The following BMPR1B variants were observed in gnomAD, a reference collection of about 807,000 sequenced individuals.
The protein encoded by BMPR1B is bone morphogenetic protein receptor type-1B.
A neutral mutation model predicts 59.1 loss-of-function variants in BMPR1B; 12 were observed. That is an observed-to-expected ratio of 0.20 (90% confidence interval 0.13 to 0.33). The LOEUF (loss-of-function observed/expected upper bound fraction) is 0.33. Among genes scored for constraint, BMPR1B ranks in the 10% least tolerant of loss-of-function variants. The pLI, the probability that BMPR1B is intolerant of heterozygous loss-of-function variation, is 1.00. For missense variants in BMPR1B, 550 were observed against 610.9 expected, an observed-to-expected ratio of 0.90 and a Z score of 1.05; for synonymous variants, 237 against 207.3, an observed-to-expected ratio of 1.14 and a Z score of -1.23.
In BMPR1B at chr4:95,117,076, C is replaced by A. The variant is rs1320904184; in HGVS notation, c.349+1289C>A. ...ATAATAGAGTGAGTGGCTGGCTCTACCTGGGGGAGGAGGTTGTCAGAATAG... is the reference window on the plus strand; with the variant it reads ...ATAATAGAGTGAGTGGCTGGCTCTAACTGGGGGAGGAGGTTGTCAGAATAG... On this transcript the variant is annotated intron_variant, in intron 6 of 12. Coordinates refer to ENST00000515059, the MANE Select transcript of BMPR1B (RefSeq NM_001203.3). Among the ~76,000 whole-genome samples, 4 of 151,960 alleles carry A rather than the reference C, an allele frequency of 2.6e-5. No homozygotes were observed. In the East Asian group the frequency reaches 7.7e-4, roughly 29 times the overall value.
intron 11 of BMPR1B, among the ~76,000 whole-genome samples, chr4:95,150,469 A>G (rs1734961529): frequency 7.0e-6 from 1 of 143,042 alleles, no homozygotes; most frequent in East Asian, 2.0e-4. Flanking sequence ...AAAAAAAAAA[A>G]ACAAGTAGAC....
At chr4:94,969,472 CTTTAT>C (rs1730690456) in intron 2 of BMPR1B, among the ~76,000 whole-genome samples, 1 of 152,226 alleles carries the variant, frequency 6.6e-6, no homozygotes, top group Admixed American at 6.5e-5. Flanking sequence ...AACCTGAAGC[CTTTAT>C]TTTAACATTG....
At chr4:94,886,233 A>C (rs1727165708) in intron 2 of BMPR1B, among the ~76,000 whole-genome samples, 1 of 152,226 alleles carries the variant, frequency 6.6e-6, no homozygotes, top group Non-Finnish European at 1.5e-5. Context: ...GCATTGCTAC[A>C]GATTAAAAAG....
intron 8 of BMPR1B, among the ~76,000 whole-genome samples, chr4:95,129,439 T>C (rs1439017023): frequency 6.6e-6 from 1 of 152,086 alleles, no homozygotes; most frequent in Non-Finnish European, 1.5e-5. Context: ...CCTTTATTTC[T>C]GTATGTGCCT....
intron 1 of BMPR1B, among the ~76,000 whole-genome samples, chr4:94,786,507 T>C (rs1384498540): frequency 1.3e-5 from 2 of 152,076 alleles, no homozygotes; most frequent in African/African-American, 2.4e-5. Context: ...ATTATGGGCA[T>C]GTGCCACCAC....
At chr4:95,095,053 T>C (rs1370891709) in intron 3 of BMPR1B, among the ~76,000 whole-genome samples, 3 of 151,792 alleles carry the variant, frequency 2.0e-5, no homozygotes, top group Admixed American at 1.3e-4. Context: ...TAATTTTTTT[T>C]TCCTAAATTT....
At chr4:95,005,956 A>G (rs1439156444) in intron 3 of BMPR1B, among the ~76,000 whole-genome samples, 1 of 152,152 alleles carries the variant, frequency 6.6e-6, no homozygotes, top group African/African-American at 2.4e-5. Flanking sequence ...TAACGTCAAC[A>G]TGTCACGGAT....
intron 1 of BMPR1B, among the ~76,000 whole-genome samples, chr4:94,781,201 G>A (rs907640899): frequency 1.3e-5 from 2 of 152,032 alleles, no homozygotes; most frequent in Non-Finnish European, 2.9e-5. Flanking sequence ...GGAGTTGTAA[G>A]TGTTCTTTAG....
At position 95,154,771 on chromosome 4, in the gene BMPR1B, C is replaced by G. The variant is rs1164067852; in HGVS notation, c.*98C>G. On this transcript the variant is annotated 3_prime_UTR_variant, in exon 13 of 13. Transcript: ENST00000515059. ...ATCAAATAAGCATCCACAGTACAAGCCTTGAACATCGTCCTGCTTCCCAGT... is the reference window on the plus strand; with the variant it reads ...ATCAAATAAGCATCCACAGTACAAGGCTTGAACATCGTCCTGCTTCCCAGT... 1 of 1,541,524 alleles carries G rather than the reference C, an allele frequency of 6.5e-7. No homozygotes were observed. Among genetic ancestry groups the G allele is most frequent in the Non-Finnish European group, 8.9e-7 (1 of 1,120,122 alleles).
chr4:95,062,296 G>A (rs1727459093), intron 3 of BMPR1B, among the ~76,000 whole-genome samples: 1 of 152,068 alleles, frequency 6.6e-6, no homozygotes, highest in Non-Finnish European at 1.5e-5. Context: ...CTTCTGCTTT[G>A]ATTTCCTATT....
At chr4:94,921,579 C>T (rs1051174953) in intron 2 of BMPR1B, among the ~76,000 whole-genome samples, 3 of 152,014 alleles carry the variant, frequency 2.0e-5, no homozygotes, top group African/African-American at 7.2e-5. Context: ...ACAACCGCAT[C>T]TCATGAGAAC....
intron 3 of BMPR1B, among the ~76,000 whole-genome samples, chr4:95,101,842 CCTGTA>C (rs2149262599): frequency 6.6e-6 from 1 of 152,086 alleles, no homozygotes; most frequent in Non-Finnish European, 1.5e-5. Flanking sequence ...CAATTTTGAT[CCTGTA>C]GACAAGTGAC....
chr4:94,859,582 T>A (rs1725898563), intron 1 of BMPR1B, among the ~76,000 whole-genome samples: 1 of 152,168 alleles, frequency 6.6e-6, no homozygotes. Context: ...AGCACTGGAA[T>A]CCTTATATGG....
At chr4:94,863,542 C>T (rs1253743597) in intron 1 of BMPR1B, among the ~76,000 whole-genome samples, 1 of 152,102 alleles carries the variant, frequency 6.6e-6, no homozygotes, top group East Asian at 1.9e-4. Flanking sequence ...AAGAAAATAG[C>T]CCTCTGTATT....
intron 2 of BMPR1B, among the ~76,000 whole-genome samples, chr4:94,980,486 G>A (rs1731195462): frequency 6.6e-6 from 1 of 152,090 alleles, no homozygotes; most frequent in Non-Finnish European, 1.5e-5. Context: ...CTCTTTGTAT[G>A]GAGTCTGGCT....
chr4:94,810,823 A>G (rs556744564), intron 1 of BMPR1B, among the ~76,000 whole-genome samples: 29 of 152,228 alleles, frequency 1.9e-4, no homozygotes, highest in Admixed American at 7.2e-4. Flanking sequence ...CACATATTAG[A>G]GAGTTAGTTA....
At position 95,116,421 on chromosome 4, in the gene BMPR1B, G is replaced by GCACACACACACACACACACACA. The variant is rs35436544; in HGVS notation, c.349+656_349+677dup. On this transcript the variant is annotated intron_variant, in intron 6 of 12. Coordinates refer to ENST00000515059, the MANE Select transcript of BMPR1B (RefSeq NM_001203.3). The stretch of plus-strand genomic sequence containing the variant: ...CTCCTCCTCCATGCTTTCAGCGCGC[G>GCACACACACACACACACACACA]CACACACACACACACACACACACAC... 1.6e-3 allele frequency among the ~76,000 whole-genome samples: 192 copies of GCACACACACACACACACACACA among 123,228 alleles called. 2 individuals are homozygous for GCACACACACACACACACACACA. The highest frequency in any genetic ancestry group is 2.1e-3 in the Non-Finnish European group (132 of 62,782). 80.8% of individuals were successfully genotyped at this position (123,228 alleles called of 152,430 possible). A position where few individuals can be genotyped will look rare whatever the true frequency, so the allele number is the denominator to read the frequency against.
At chr4:94,869,963 G>T (rs905589334) in intron 1 of BMPR1B, among the ~76,000 whole-genome samples, 5 of 152,106 alleles carry the variant, frequency 3.3e-5, no homozygotes, top group Non-Finnish European at 7.4e-5. Context: ...ACTTTCAAGG[G>T]ATGTTTAGCA....
At chr4:94,772,774 T>C (rs1048272882) in intron 1 of BMPR1B, among the ~76,000 whole-genome samples, 40 of 152,320 alleles carry the variant, frequency 2.6e-4, no homozygotes, top group Non-Finnish European at 2.1e-4. Context: ...TTTAAAATTA[T>C]GTTACTGGAT....
Sources: allele counts gnomAD v4.1 joint callset (sites outside exome capture counted in the v4.1 genomes callset), GRCh38; gene constraint gnomAD v4.1.1; transcripts MANE v1.5; gene names NCBI Gene and HGNC (gene_info 2026-07-23, HGNC 2026-07-21).